IMMP2L: variants seen among roughly 807,000 people sequenced by gnomAD.
IMMP2L encodes the protein inner mitochondrial membrane peptidase subunit 2.
A neutral mutation model predicts 19.3 loss-of-function variants in IMMP2L; 18 were observed. The ratio of observed to expected loss-of-function variants is 0.93; its 90% CI spans 0.64 to 1.38. The LOEUF is 1.38. Ranked by LOEUF, IMMP2L falls within the 40% of genes most tolerant of loss-of-function variation. The probability of loss-of-function intolerance (pLI) is 0.00; values close to 1 mark genes in which losing one functional copy is unlikely to be tolerated. For synonymous variants in IMMP2L, 76 were observed against 73.0 expected (o/e 1.04, Z -0.21); for missense variants, 233 against 218.2 (o/e 1.07, Z -0.43).
At position 110,728,485 on chromosome 7, in the gene IMMP2L, TGA is replaced by T. The variant is rs1796046715; in HGVS notation, c.409-64766_409-64765del. On this transcript the variant is annotated intron_variant, in intron 5 of 5. Coordinates refer to ENST00000405709, the MANE Select transcript of IMMP2L (RefSeq NM_032549.4). This position sits in a 1 kb window ranked among gnomAD's most constrained non-coding sequence, Gnocchi z 4.6. ...CTGTACTCCAGCCTGGGCAACAGAG[TGA>T]GACTCCGTCTCAAAAAAATAAATAA... Among the ~76,000 whole-genome samples, 1 of 151,940 alleles carries T rather than the reference TGA, an allele frequency of 6.6e-6. No individual in the cohort carries two copies. The highest frequency in any genetic ancestry group is 2.4e-5 in the African/African-American group (1 of 41,328).
At chr7:111,019,811 T>C (rs1309171577) in intron 3 of IMMP2L, among the ~76,000 whole-genome samples, 1 of 152,098 alleles carries the variant, frequency 6.6e-6, no homozygotes, top group African/African-American at 2.4e-5. Context: ...AAAAAAATTC[T>C]TGGAAGTAAG....
chr7:110,727,552 T>C lies in IMMP2L; in HGVS notation c.409-63831A>G, dbSNP rs768613660. On this transcript the variant is annotated intron_variant, in intron 5 of 5. Transcript: ENST00000405709. The surrounding 1 kb of genome is among the most constrained non-coding windows in gnomAD (Gnocchi z 4.3). ...CAAACCAGTAAGAGTCAGAAACTGATGTTAGCAAATTGAAGGTAGAGGAGA... is the reference window on the plus strand; with the variant it reads ...CAAACCAGTAAGAGTCAGAAACTGACGTTAGCAAATTGAAGGTAGAGGAGA... Among the ~76,000 whole-genome samples, 9 of 152,204 alleles carry C rather than the reference T, an allele frequency of 5.9e-5. No individual in the cohort carries two copies. The highest frequency in any genetic ancestry group is 1.2e-4 in the Non-Finnish European group (8 of 68,036).
intron 3 of IMMP2L, among the ~76,000 whole-genome samples, chr7:110,968,748 C>T (rs1371954571): frequency 2.6e-5 from 4 of 152,074 alleles, no homozygotes; most frequent in Admixed American, 2.0e-4. Context: ...ATGTGTAGTA[C>T]CTGAGGGCAT....
At chr7:110,677,784 G>C (rs1792421579) in intron 5 of IMMP2L, among the ~76,000 whole-genome samples, 3 of 152,092 alleles carry the variant, frequency 2.0e-5, no homozygotes, top group Non-Finnish European at 4.4e-5. Flanking sequence ...GTGGAGAAGG[G>C]AGGCTCTGGA....
chr7:110,961,318 C>T (rs1818913005), intron 4 of IMMP2L, among the ~76,000 whole-genome samples: 1 of 151,902 alleles, frequency 6.6e-6, no homozygotes, highest in East Asian at 1.9e-4. Context: ...CTATGCACAT[C>T]CCCAATATCC....
intron 4 of IMMP2L, among the ~76,000 whole-genome samples, chr7:110,914,749 T>C (rs1197091692): frequency 2.6e-5 from 4 of 151,924 alleles, no homozygotes; most frequent in Non-Finnish European, 5.9e-5. Flanking sequence ...GCAAGTTTAG[T>C]ATGAGTTTAA....
At chr7:111,134,534 T>C (rs1802153347) in intron 3 of IMMP2L, among the ~76,000 whole-genome samples, 1 of 152,014 alleles carries the variant, frequency 6.6e-6, no homozygotes, top group Admixed American at 6.6e-5. Context: ...TTTTGAAAGC[T>C]CAGTTTTGAG....
intron 3 of IMMP2L, among the ~76,000 whole-genome samples, chr7:111,197,332 G>A (rs1014951765): frequency 2.0e-5 from 3 of 151,880 alleles, no homozygotes; most frequent in Admixed American, 6.6e-5. Context: ...GCGTGGTGGC[G>A]GGCGCCTGTA....
At chr7:111,202,586 C>T (rs895486026) in intron 3 of IMMP2L, among the ~76,000 whole-genome samples, 7 of 152,154 alleles carry the variant, frequency 4.6e-5, no homozygotes, top group Admixed American at 3.9e-4. Context: ...TAATGATCGA[C>T]AGTACAGAGG....
intron 3 of IMMP2L, among the ~76,000 whole-genome samples, chr7:111,265,716 G>A (rs923975466): frequency 1.3e-5 from 2 of 152,166 alleles, no homozygotes; most frequent in African/African-American, 4.8e-5. Flanking sequence ...TTTCAGAGTA[G>A]CAGAGTGAGA....
intron 1 of IMMP2L, among the ~76,000 whole-genome samples, chr7:111,526,897 T>G (rs934691660): frequency 6.6e-6 from 1 of 152,106 alleles, no homozygotes; most frequent in African/African-American, 2.4e-5. Flanking sequence ...CTATCTTAGT[T>G]ATAAGGTAGT....
intron 3 of IMMP2L, among the ~76,000 whole-genome samples, chr7:111,466,184 G>A (rs907236809): frequency 6.6e-6 from 1 of 152,118 alleles, no homozygotes; most frequent in Non-Finnish European, 1.5e-5. Flanking sequence ...GTGGGGTGGA[G>A]GGAGCGGGGA....
intron 5 of IMMP2L, among the ~76,000 whole-genome samples, chr7:110,783,958 A>G (rs753106018): frequency 6.6e-6 from 1 of 152,002 alleles, no homozygotes; most frequent in Non-Finnish European, 1.5e-5. Flanking sequence ...TAAGTTCATT[A>G]TAACTATTAA....
chr7:110,902,171 T>G (rs1811942794), intron 4 of IMMP2L, among the ~76,000 whole-genome samples: 1 of 151,912 alleles, frequency 6.6e-6, no homozygotes, highest in Non-Finnish European at 1.5e-5. Context: ...TGACAAAGCT[T>G]CTGACCTCAA....
chr7:111,268,677 C>A (rs1362587549), intron 3 of IMMP2L, among the ~76,000 whole-genome samples: 1 of 137,184 alleles, frequency 7.3e-6, no homozygotes, highest in Non-Finnish European at 1.5e-5. Flanking sequence ...ACTAAAGCCT[C>A]AACCTCCTGT....
rs949765315 is a variant in IMMP2L at position 111,065,557 on chromosome 7, A to G, written c.240-101992T>C. 2.6e-5 allele frequency among the ~76,000 whole-genome samples: 4 copies of G among 152,324 alleles called. No individual in the cohort carries two copies. The South Asian group carries it at 8.3e-4, about 32-fold the overall frequency. On this transcript the variant is annotated intron_variant, in intron 3 of 5. Coordinates refer to ENST00000405709, the MANE Select transcript of IMMP2L (RefSeq NM_032549.4). ...TTTGGGTCAGTGGGCTAGGAAAGGCAGACCCACTCTTAATTTGGATGGGCA... is the reference window on the plus strand; with the variant it reads ...TTTGGGTCAGTGGGCTAGGAAAGGCGGACCCACTCTTAATTTGGATGGGCA...
chr7:110,946,869 C>T (rs1340489291), intron 4 of IMMP2L, among the ~76,000 whole-genome samples: 4 of 151,796 alleles, frequency 2.6e-5, no homozygotes, highest in African/African-American at 4.8e-5. Context: ...TACAGGCGCC[C>T]GCCACCACAC....
intron 5 of IMMP2L, among the ~76,000 whole-genome samples, chr7:110,785,993 C>T (rs1439952298): frequency 6.6e-6 from 1 of 151,726 alleles, no homozygotes. Context: ...CAGTCCCAAA[C>T]CAGGCATATA....
At chr7:110,748,657 C>T (rs1210328896) in intron 5 of IMMP2L, among the ~76,000 whole-genome samples, 2 of 152,096 alleles carry the variant, frequency 1.3e-5, no homozygotes, top group Non-Finnish European at 2.9e-5. Flanking sequence ...GAAAGGATTC[C>T]CTATTTAATA....
Sources: gnomAD v4.1 joint callset for allele counts (sites outside exome capture counted in the v4.1 genomes callset) on GRCh38, gnomAD v4.1.1 for gene constraint, Gnocchi (gnomAD v3.1) non-coding constraint, MANE v1.5 for transcripts, NCBI Gene and HGNC (gene_info 2026-07-23, HGNC 2026-07-21) for gene names.